Variants in IGF2BP3 observed in about 807,000 individuals in gnomAD.
IGF2BP3 encodes insulin-like growth factor 2 mRNA-binding protein 3.
A neutral mutation model predicts 73.8 loss-of-function variants in IGF2BP3; 9 were observed. The observed-to-expected ratio is 0.12, with a 90% CI of 0.07 to 0.21. IGF2BP3 has a LOEUF of 0.21. IGF2BP3 is among the 10% of genes least tolerant of loss of function. IGF2BP3 has a pLI of 1.00. For missense variants in IGF2BP3, 542 were observed against 714.0 expected, an observed-to-expected ratio of 0.76 and a Z score of 2.75; for synonymous variants, 258 against 256.7, an observed-to-expected ratio of 1.01 and a Z score of -0.05.
Position 23,469,287 on chromosome 7 carries a change from C to T in IGF2BP3, c.175+649G>A. 1 of 152,346 alleles carries T rather than the reference C, an allele frequency of 6.6e-6. No individual in the cohort carries two copies. Among genetic ancestry groups the T allele is most frequent in the Non-Finnish European group, 1.5e-5 (1 of 68,128 alleles). The allele number at this position is 152,346 out of a possible 1,614,324, so 9.4% of individuals were successfully genotyped here. ...CCCGGAGAGCGGCGGGCGGCCGGTG[C>T]GTGGCGGCGACTCCCTTCCAGGCGA... On this transcript the variant is annotated intron_variant, in intron 1 of 14. Coordinates refer to ENST00000258729, the MANE Select transcript of IGF2BP3 (RefSeq NM_006547.3). The surrounding 1 kb of genome is among the most constrained non-coding windows in gnomAD (Gnocchi z 6.1).
intron 3 of IGF2BP3, among the ~76,000 whole-genome samples, chr7:23,379,899 A>G (rs1231919061): frequency 6.6e-6 from 1 of 152,168 alleles, no homozygotes; most frequent in South Asian, 2.1e-4. Context: ...AATTCCATGC[A>G]TCTCTTATTG....
At chr7:23,344,641 G>T (rs542759675) in intron 8 of IGF2BP3, among the ~76,000 whole-genome samples, 29 of 152,298 alleles carry the variant, frequency 1.9e-4, no homozygotes, top group African/African-American at 6.5e-4. Flanking sequence ...ATGTGCCATG[G>T]AAAACAGAAC....
chr7:23,346,598 C>T (rs74973809), intron 7 of IGF2BP3, among the ~76,000 whole-genome samples: 10 of 132,632 alleles, frequency 7.5e-5, no homozygotes, highest in African/African-American at 3.1e-4. Context: ...CTTTTTCTTT[C>T]TTTTTTTTTT....
At chr7:23,404,168 A>C (rs1786756333) in intron 3 of IGF2BP3, among the ~76,000 whole-genome samples, 1 of 151,824 alleles carries the variant, frequency 6.6e-6, no homozygotes, top group South Asian at 2.1e-4. Flanking sequence ...AGAGGTTCGC[A>C]TATTGCTCTG....
rs981443393 is a variant in IGF2BP3, at chr7:23,327,502, C to T, written c.1204-8248G>A. 2.0e-4 allele frequency among the ~76,000 whole-genome samples: 31 copies of T among 152,070 alleles called. No individual in the cohort carries two copies. The South Asian group carries it at 2.7e-3, about 13-fold the overall frequency. On this transcript the variant is annotated intron_variant, in intron 10 of 14. Transcript: ENST00000258729. ...TTCACCGTGTTAGCCAGGATGGTCTCGATCTCCTGACCTCGTGATCCGCCC... is the reference window on the plus strand; with the variant it reads ...TTCACCGTGTTAGCCAGGATGGTCTTGATCTCCTGACCTCGTGATCCGCCC...
At chr7:23,355,345 C>A (rs1244866622) in intron 5 of IGF2BP3, among the ~76,000 whole-genome samples, 1 of 151,972 alleles carries the variant, frequency 6.6e-6, no homozygotes, top group Non-Finnish European at 1.5e-5. Context: ...CTTCCTCCTC[C>A]CAAGTAGCTG....
At chr7:23,381,767 C>T (rs1034589910) in intron 3 of IGF2BP3, among the ~76,000 whole-genome samples, 2 of 152,152 alleles carry the variant, frequency 1.3e-5, no homozygotes, top group Middle Eastern at 3.4e-3. Flanking sequence ...TGGGGTTTTG[C>T]CATGTTGGCA....
At chr7:23,449,037 T>G (rs1330203578) in intron 2 of IGF2BP3, among the ~76,000 whole-genome samples, 1 of 152,188 alleles carries the variant, frequency 6.6e-6, no homozygotes, top group Non-Finnish European at 1.5e-5. Flanking sequence ...ATATTTTATC[T>G]TTCATGCACT....
At chr7:23,401,191 C>T (rs1786651138) in intron 3 of IGF2BP3, among the ~76,000 whole-genome samples, 1 of 152,158 alleles carries the variant, frequency 6.6e-6, no homozygotes, top group Non-Finnish European at 1.5e-5. Flanking sequence ...AGTAAGGACA[C>T]CATCCATATT....
chr7:23,328,152 GA>G (rs1203768943), intron 10 of IGF2BP3, among the ~76,000 whole-genome samples: 1 of 152,114 alleles, frequency 6.6e-6, no homozygotes, highest in East Asian at 1.9e-4. Flanking sequence ...CATTTTTCAA[GA>G]AAAATCTCAA....
At chr7:23,416,246 T>C (rs1033081172) in intron 3 of IGF2BP3, 5 of 152,142 alleles carry the variant, frequency 3.3e-5, no homozygotes, top group Admixed American at 2.6e-4. Flanking sequence ...AATAAATAAA[T>C]AAAATACAAC....
intron 2 of IGF2BP3, among the ~76,000 whole-genome samples, chr7:23,430,489 T>C (rs768091645): frequency 1.3e-5 from 2 of 152,244 alleles, no homozygotes; most frequent in Non-Finnish European, 2.9e-5. Flanking sequence ...AACCCGCCAC[T>C]TGGTGGCACT....
At chr7:23,399,356 T>C (rs1786586378) in intron 3 of IGF2BP3, among the ~76,000 whole-genome samples, 1 of 151,486 alleles carries the variant, frequency 6.6e-6, no homozygotes, top group African/African-American at 2.4e-5. Context: ...AACCTGCACA[T>C]TGTGCACATG....
chr7:23,419,793 C>T (rs1233130682), intron 2 of IGF2BP3, among the ~76,000 whole-genome samples: 3 of 152,154 alleles, frequency 2.0e-5, no homozygotes, highest in East Asian at 3.9e-4. Flanking sequence ...GCGGAGGTTG[C>T]GGTAAGCCAA....
intron 10 of IGF2BP3, among the ~76,000 whole-genome samples, chr7:23,331,533 AAAAC>A (rs759134783): frequency 1.8e-4 from 28 of 152,274 alleles, no homozygotes; most frequent in African/African-American, 5.3e-4. Context: ...ACAAAAACAA[AAAAC>A]AAACAAAAAA....
At chr7:23,405,914 G>A (rs979666849) in intron 3 of IGF2BP3, among the ~76,000 whole-genome samples, 5 of 152,160 alleles carry the variant, frequency 3.3e-5, no homozygotes, top group East Asian at 3.8e-4. Context: ...TGCTTCTGGA[G>A]AAGAATGCTG....
At chr7:23,377,610 C>A (rs1193954476) in intron 3 of IGF2BP3, among the ~76,000 whole-genome samples, 1 of 152,190 alleles carries the variant, frequency 6.6e-6, no homozygotes, top group Non-Finnish European at 1.5e-5. Flanking sequence ...CAATTCCATT[C>A]CTGGGTATAC....
intron 10 of IGF2BP3, among the ~76,000 whole-genome samples, chr7:23,338,355 T>C (rs1488057790): frequency 1.3e-5 from 2 of 152,200 alleles, no homozygotes; most frequent in Admixed American, 6.5e-5. Flanking sequence ...TAAACATTCT[T>C]TGTAGAACAG....
intron 2 of IGF2BP3, among the ~76,000 whole-genome samples, chr7:23,463,086 A>G (rs1253445101): frequency 6.6e-6 from 1 of 152,140 alleles, no homozygotes; most frequent in Non-Finnish European, 1.5e-5. Flanking sequence ...GATAAAGGAA[A>G]CTCAGCTAAG....
Sources: gnomAD v4.1 joint callset for allele counts (sites outside exome capture counted in the v4.1 genomes callset) on GRCh38, gnomAD v4.1.1 for gene constraint, Gnocchi (gnomAD v3.1) non-coding constraint, MANE v1.5 for transcripts, NCBI Gene and HGNC (gene_info 2026-07-23, HGNC 2026-07-21) for gene names.